Variants in RBFOX1 observed in about 807,000 individuals in gnomAD.
RBFOX1 encodes the protein RNA binding protein fox-1 homolog 1.
RBFOX1 carries 8 observed loss-of-function variants against 57.7 expected under a neutral mutation model. That is an observed-to-expected ratio of 0.14 (90% CI 0.08 to 0.25). The LOEUF is 0.25. Among genes scored for constraint, RBFOX1 ranks in the 10% least tolerant of loss-of-function variants. The pLI is 1.00. For missense variants in RBFOX1, 611 were observed against 548.5 expected (o/e 1.11, Z -1.14); for synonymous variants, 326 against 222.4 (o/e 1.47, Z -4.15).
At chr16:5,550,562 A>T (rs567777572) in intron 2 of RBFOX1, among the ~76,000 whole-genome samples, 9 of 152,222 alleles carry the variant, frequency 5.9e-5, no homozygotes, top group Non-Finnish European at 1.2e-4. Context: ...GACCTGTCAC[A>T]TTAAAAAAAT....
intron 1 of RBFOX1, among the ~76,000 whole-genome samples, chr16:6,107,372 C>G (rs917301873): frequency 1.8e-4 from 27 of 152,034 alleles, no homozygotes; most frequent in African/African-American, 5.8e-4. Context: ...TTGAGATAAC[C>G]TCTTTCTTAT....
At chr16:5,814,197 G>A (rs1310162224) in intron 3 of RBFOX1, among the ~76,000 whole-genome samples, 4 of 152,152 alleles carry the variant, frequency 2.6e-5, no homozygotes, top group Admixed American at 2.6e-4. Flanking sequence ...CCCTTGGTCT[G>A]CATCCGTATG....
chr16:5,457,086 G>C (rs1318214808), intron 1 of RBFOX1, among the ~76,000 whole-genome samples: 5 of 152,114 alleles, frequency 3.3e-5, no homozygotes, highest in African/African-American at 1.2e-4. Context: ...TTTGTGGATG[G>C]CTGTCTTCTC....
intron 3 of RBFOX1, among the ~76,000 whole-genome samples, chr16:6,849,040 C>A (rs8054990): frequency 6.6e-6 from 1 of 152,162 alleles, no homozygotes; most frequent in Non-Finnish European, 1.5e-5. Context: ...TTACGTGTCC[C>A]TGAACCTGCA....
rs1370593461 is a variant in RBFOX1 at position 7,226,696 on chromosome 16, C to T, written c.27+174598C>T. Among the ~76,000 whole-genome samples, 9 of 152,288 alleles carry T rather than the reference C, an allele frequency of 5.9e-5. 1 individual carries two copies. In the South Asian group the frequency reaches 1.7e-3, roughly 28 times the overall value. Reference sequence around the variant, plus strand: ...TTAATTTCTAAAACCGCAAAAAGTACTGTAGAGGAGTTCAGAGATACGTCT... The same window carrying T: ...TTAATTTCTAAAACCGCAAAAAGTATTGTAGAGGAGTTCAGAGATACGTCT... On this transcript the variant is annotated intron_variant, in intron 4 of 15. Transcript: ENST00000550418.
chr16:7,701,552 C>G (rs774455800), intron 14 of RBFOX1, among the ~76,000 whole-genome samples: 1 of 152,162 alleles, frequency 6.6e-6, no homozygotes, highest in Non-Finnish European at 1.5e-5. Context: ...TGTGGAAAAA[C>G]TGTCTTCTAC....
intron 4 of RBFOX1, among the ~76,000 whole-genome samples, chr16:5,921,528 G>T (rs1398005513): frequency 6.6e-6 from 1 of 152,162 alleles, no homozygotes; most frequent in Non-Finnish European, 1.5e-5. Context: ...TTTGAATGGA[G>T]CCAGTCACTG....
chr16:6,506,356 G>A (rs757345459), intron 2 of RBFOX1, among the ~76,000 whole-genome samples: 1 of 152,072 alleles, frequency 6.6e-6, no homozygotes, highest in Non-Finnish European at 1.5e-5. Context: ...CTATGGGGAA[G>A]GCATTGCAGT....
Position 6,826,286 on chromosome 16 carries a change from G to A in RBFOX1, c.-16+171636G>A, listed in dbSNP as rs889485002. ...CAGCACTTTGGGGAGGCCGAAGCGA[G>A]AAAATCGTTTGAGTCCAGGAGTTCA... is the stretch of plus-strand genomic sequence containing the variant. On this transcript the variant is annotated intron_variant, in intron 3 of 15. Coordinates refer to ENST00000550418, the MANE Select transcript of RBFOX1 (RefSeq NM_018723.4). 2.6e-5 allele frequency among the ~76,000 whole-genome samples: 4 copies of A among 152,260 alleles called. No homozygotes were observed. The East Asian group carries it at 7.8e-4, about 30-fold the overall frequency.
chr16:6,549,508 AGAGGAG>A (rs141018373), intron 2 of RBFOX1, among the ~76,000 whole-genome samples: 3 of 52,894 alleles, frequency 5.7e-5, no homozygotes, highest in African/African-American at 2.2e-4. Context: ...GAGGAGGGGA[AGAGGAG>A]GAGGAGAGGA....
chr16:6,390,736 A>G (rs2092559483), intron 2 of RBFOX1, among the ~76,000 whole-genome samples: 1 of 152,178 alleles, frequency 6.6e-6, no homozygotes, highest in African/African-American at 2.4e-5. Flanking sequence ...ATAAGTAGGG[A>G]GCACCTATAA....
chr16:6,820,132 A>T (rs1459625126), intron 3 of RBFOX1, among the ~76,000 whole-genome samples: 1 of 152,104 alleles, frequency 6.6e-6, no homozygotes, highest in African/African-American at 2.4e-5. Flanking sequence ...TTTATAAAGG[A>T]CACACTGTCT....
At chr16:5,562,713 C>A (rs1454006107) in intron 2 of RBFOX1, among the ~76,000 whole-genome samples, 1 of 152,092 alleles carries the variant, frequency 6.6e-6, no homozygotes, top group African/African-American at 2.4e-5. Context: ...GGTATGGGTG[C>A]CTCTCTGTCC....
intron 4 of RBFOX1, among the ~76,000 whole-genome samples, chr16:5,908,141 T>C (rs1292761231): frequency 6.9e-6 from 1 of 144,690 alleles, no homozygotes; most frequent in Admixed American, 6.8e-5. Context: ...TATACACATA[T>C]ATACACATAT....
chr16:6,388,351 G>T, intron 2 of RBFOX1, among the ~76,000 whole-genome samples: 1 of 151,930 alleles, frequency 6.6e-6, no homozygotes, highest in Middle Eastern at 3.2e-3. Context: ...CATGTGGAGC[G>T]TAGGAATGAA....
In RBFOX1 at chr16:6,019,752, C is replaced by G. The variant is rs142797699; in HGVS notation, c.-367C>G. ...GCCCGGGATTGAGAGTCCTTGCGCT[C>G]CAGACCCCCACCCAGTGGCCGCCAG... On this transcript the variant is annotated 5_prime_UTR_variant, in exon 1 of 16. Transcript: ENST00000550418. The surrounding 1 kb of genome is among the most constrained non-coding windows in gnomAD (Gnocchi z 4.2). 1.2e-3 allele frequency: 1,653 copies of G among 1,389,950 alleles called. 24 individuals are homozygous for G. In the African/African-American group the frequency reaches 0.021, roughly 18 times the overall value. 86.1% of individuals were successfully genotyped at this position (1,389,950 alleles called of 1,614,324 possible). A position where few individuals can be genotyped will look rare whatever the true frequency, so the allele number is the denominator to read the frequency against.
chr16:6,081,745 C>A (rs771823749), intron 1 of RBFOX1, among the ~76,000 whole-genome samples: 1 of 152,130 alleles, frequency 6.6e-6, no homozygotes, highest in Non-Finnish European at 1.5e-5. Flanking sequence ...GCAGAAGTCC[C>A]AAGGTTAATG....
rs2053484829 is a variant in RBFOX1, at chr16:5,758,718, G to C, written c.319-108585G>C. 3.3e-5 allele frequency among the ~76,000 whole-genome samples: 5 copies of C among 152,290 alleles called. No homozygotes were observed. In the South Asian group the frequency reaches 1.0e-3, roughly 32 times the overall value. On this transcript the variant is annotated intron_variant, in intron 3 of 19. Coordinates refer to the RBFOX1 transcript ENST00000641259. ...GTAAGTACAAGCTGTTGGATGTCAG[G>C]GAAGACGTGGAATGGTAAATTTGAC... is the stretch of plus-strand genomic sequence containing the variant.
intron 1 of RBFOX1, among the ~76,000 whole-genome samples, chr16:6,262,020 C>A (rs2097704523): frequency 6.6e-6 from 1 of 151,698 alleles, no homozygotes; most frequent in African/African-American, 2.4e-5. Context: ...CAGAGTGAGG[C>A]TCTGTCTCAG....
Sources: allele counts gnomAD v4.1 joint callset (sites outside exome capture counted in the v4.1 genomes callset), GRCh38; gene constraint gnomAD v4.1.1; non-coding constraint Gnocchi (gnomAD v3.1); transcripts MANE v1.5; gene names NCBI Gene and HGNC (gene_info 2026-07-23, HGNC 2026-07-21).